The following GPHN variants were observed in gnomAD, a reference collection of about 807,000 sequenced individuals.
The protein encoded by GPHN is gephyrin.
In GPHN, 17 loss-of-function variants were observed where a neutral mutation model predicts 95.5. That is an observed-to-expected ratio of 0.18 (90% CI 0.12 to 0.27). The LOEUF (loss-of-function observed/expected upper bound fraction) is 0.27. Ranked by LOEUF, GPHN falls within the 10% of genes least tolerant of loss-of-function variation. The pLI, the probability that GPHN is intolerant of heterozygous loss-of-function variation, is 1.00. For missense variants in GPHN, 660 were observed against 978.1 expected (o/e 0.67, Z 4.34); for synonymous variants, 320 against 322.5 (o/e 0.99, Z 0.08).
At chr14:66,570,290 A>G (rs1049034618) in intron 1 of GPHN, among the ~76,000 whole-genome samples, 3 of 139,148 alleles carry the variant, frequency 2.2e-5, no homozygotes, top group Non-Finnish European at 4.7e-5. Flanking sequence ...TACTGATTTC[A>G]TGTACTTTTT....
At position 66,861,640 on chromosome 14, in the gene GPHN, C is replaced by A. The variant is rs557279444; in HGVS notation, c.295-18299C>A. Among the ~76,000 whole-genome samples, 12 of 152,120 alleles carry A rather than the reference C, an allele frequency of 7.9e-5. No homozygotes were observed. In the South Asian group the frequency reaches 2.5e-3, roughly 32 times the overall value. Reference sequence around the variant, plus strand: ...ACATTCAAAAAAATTGAAATGATAGCAAGCATCTTTTCTGACCACAATGGA... The same window carrying A: ...ACATTCAAAAAAATTGAAATGATAGAAAGCATCTTTTCTGACCACAATGGA... On this transcript the variant is annotated intron_variant, in intron 4 of 22. Coordinates refer to ENST00000478722, the MANE Select transcript of GPHN (RefSeq NM_020806.5).
At chr14:66,537,500 A>G (rs2059184569) in intron 1 of GPHN, among the ~76,000 whole-genome samples, 1 of 152,046 alleles carries the variant, frequency 6.6e-6, no homozygotes, top group South Asian at 2.1e-4. Context: ...AAAACTTAGG[A>G]CAGTTTAACT....
At chr14:67,052,895 C>T (rs995237860) in intron 10 of GPHN, among the ~76,000 whole-genome samples, 2 of 151,956 alleles carry the variant, frequency 1.3e-5, no homozygotes, top group Non-Finnish European at 2.9e-5. Context: ...TCTTTGAAAC[C>T]AATGAGAATA....
the GPHN span, among the ~76,000 whole-genome samples, chr14:67,341,811 T>C: frequency 2.0e-5 from 3 of 152,202 alleles, no homozygotes; most frequent in African/African-American, 7.2e-5. Flanking sequence ...GAAGTAGACA[T>C]GGGAGACTTT....
the GPHN span, among the ~76,000 whole-genome samples, chr14:67,712,821 T>C: frequency 1.3e-5 from 2 of 152,244 alleles, no homozygotes; most frequent in Middle Eastern, 3.4e-3. Context: ...TTGCTTTCAG[T>C]TGGCAGCTAG....
chr14:67,728,285 T>G, the GPHN span: 1 of 152,196 alleles, frequency 6.6e-6, no homozygotes, highest in African/African-American at 2.4e-5. Context: ...ATTGAGAGGT[T>G]TATGTGTGCC....
chr14:66,887,072 G>A (rs2064233541), intron 5 of GPHN, among the ~76,000 whole-genome samples: 1 of 152,074 alleles, frequency 6.6e-6, no homozygotes, highest in Non-Finnish European at 1.5e-5. Context: ...AAGAGGAAAG[G>A]GAACTATTGT....
chr14:67,120,726 A>G (rs752125694), intron 16 of GPHN, among the ~76,000 whole-genome samples: 5 of 152,236 alleles, frequency 3.3e-5, no homozygotes, highest in Non-Finnish European at 5.9e-5. Context: ...AATCACTTTA[A>G]TAACTGTGTT....
At chr14:67,651,810 C>T in the GPHN span, 3 of 257,450 alleles carry the variant, frequency 1.2e-5, no homozygotes, top group Non-Finnish European at 2.3e-5. Flanking sequence ...ACATCCAGCT[C>T]AGGATGGGTC....
chr14:66,930,217 CTCTT>C (rs1252180855), intron 8 of GPHN, among the ~76,000 whole-genome samples: 4 of 151,824 alleles, frequency 2.6e-5, no homozygotes, highest in East Asian at 1.9e-4. Flanking sequence ...TTGTGGTCTT[CTCTT>C]TCTTCCTTCC....
At chr14:67,397,677 C>G in the GPHN span, 1 of 1,611,954 alleles carries the variant, frequency 6.2e-7, no homozygotes, top group Non-Finnish European at 8.5e-7. Context: ...GGTTTTCATA[C>G]TCCAGGCAGG....
rs1326622670 is a variant in GPHN at position 66,824,584 on chromosome 14, T to C, written c.294+18T>C. The stretch of plus-strand genomic sequence containing the variant: ...CTCCAGAGGTGAGATAGTACATGCC[T>C]TTTCATATTCAAGGATTAAACTAAT... On this transcript the variant is annotated intron_variant, in intron 4 of 22. Transcript: ENST00000478722. 2 of 1,102,510 alleles carry C rather than the reference T, an allele frequency of 1.8e-6. No individual in the cohort carries two copies. Among genetic ancestry groups the C allele is most frequent in the South Asian group, 1.2e-5 (1 of 80,338 alleles). The allele number at this position is 1,102,510 out of a possible 1,614,324, so 68.3% of individuals were successfully genotyped here. A position where few individuals can be genotyped will look rare whatever the true frequency, so the allele number is the denominator to read the frequency against.
At chr14:67,338,562 C>T in the GPHN span, 4 of 1,567,610 alleles carry the variant, frequency 2.6e-6, no homozygotes, top group Non-Finnish European at 3.5e-6. Context: ...CAAACCTACA[C>T]ACTGTGAATT....
the GPHN span, among the ~76,000 whole-genome samples, chr14:67,319,587 A>T: frequency 6.6e-6 from 1 of 151,014 alleles, no homozygotes; most frequent in South Asian, 2.1e-4. Flanking sequence ...AAATACACTT[A>T]ACACTAGAGA....
chr14:66,746,645 T>C (rs2058161890), intron 2 of GPHN, among the ~76,000 whole-genome samples: 1 of 152,196 alleles, frequency 6.6e-6, no homozygotes. Context: ...CCCTAAGTAC[T>C]TTCTACTTCC....
chr14:66,923,126 A>G (rs1056534546), intron 7 of GPHN, among the ~76,000 whole-genome samples, 188 bp downstream of exon 7: 1 of 152,178 alleles, frequency 6.6e-6, no homozygotes, highest in African/African-American at 2.4e-5. Flanking sequence ...GAAGTCACTG[A>G]AGTTAATTCT....
chr14:67,572,098 G>A, the GPHN span: 1 of 1,587,722 alleles, frequency 6.3e-7, no homozygotes. Context: ...TCGGGGAGGT[G>A]TGGGACCCGG....
intron 17 of GPHN, among the ~76,000 whole-genome samples, chr14:67,125,808 C>T (rs955756484): frequency 5.3e-5 from 8 of 151,440 alleles, no homozygotes; most frequent in Non-Finnish European, 1.2e-4. Flanking sequence ...AAGCACAGAA[C>T]CTTACTCAAC....
intron 9 of GPHN, among the ~76,000 whole-genome samples, chr14:66,983,774 A>G (rs1442544806): frequency 6.6e-6 from 1 of 152,178 alleles, no homozygotes; most frequent in African/African-American, 2.4e-5. Flanking sequence ...TTGGAACTGA[A>G]ATGGTACAGG....
Sources: gnomAD v4.1 joint callset for allele counts (sites outside exome capture counted in the v4.1 genomes callset) on GRCh38, gnomAD v4.1.1 for gene constraint, MANE v1.5 for transcripts, NCBI Gene and HGNC (gene_info 2026-07-23, HGNC 2026-07-21) for gene names.